The following UTRN variants were observed in gnomAD, a reference collection of about 807,000 sequenced individuals.
The protein encoded by UTRN is dystrophin-related protein 1.
In UTRN, 283 loss-of-function variants were observed where a neutral mutation model predicts 463.9. That is an observed-to-expected ratio of 0.61 (90% CI 0.55 to 0.67). The LOEUF is 0.67. Ranked by LOEUF, UTRN falls within the 30% of genes least tolerant of loss-of-function variation. The pLI is 0.00. For synonymous variants in UTRN, 1,442 were observed against 1,431.5 expected (o/e 1.01, Z -0.17); for missense variants, 3,922 against 4,084.3 (o/e 0.96, Z 1.08).
At chr6:144,609,100 G>A (rs182779567) in intron 51 of UTRN, among the ~76,000 whole-genome samples, 1 of 152,170 alleles carries the variant, frequency 6.6e-6, no homozygotes, top group Non-Finnish European at 1.5e-5. Context: ...TCAATGGATG[G>A]GGAAATAAAG....
At chr6:144,309,549 G>A (rs1213490508) in intron 2 of UTRN, among the ~76,000 whole-genome samples, 1 of 152,120 alleles carries the variant, frequency 6.6e-6, no homozygotes, top group Non-Finnish European at 1.5e-5. Flanking sequence ...GATCCTGCTG[G>A]TTCTATTTTC....
chr6:144,562,906 T>A (rs908201900), intron 50 of UTRN, among the ~76,000 whole-genome samples: 1 of 152,222 alleles, frequency 6.6e-6, no homozygotes, highest in African/African-American at 2.4e-5. Flanking sequence ...CTGACTAGCA[T>A]GAGATGGTAT....
intron 52 of UTRN, among the ~76,000 whole-genome samples, chr6:144,686,520 C>T (rs13213063): frequency 0.1 from 15,198 of 151,312 alleles, 996 homozygotes; most frequent in Admixed American, 0.22. Context: ...GTGCTGCAGT[C>T]TATCTCTTTT....
intron 43 of UTRN, among the ~76,000 whole-genome samples, chr6:144,534,934 C>T (rs1797396350): frequency 1.3e-5 from 2 of 152,094 alleles, no homozygotes; most frequent in Admixed American, 1.3e-4. Context: ...TAAATAGCAT[C>T]GTCGTGTGAG....
chr6:144,674,549 GTGT>G (rs1781399459), intron 51 of UTRN, among the ~76,000 whole-genome samples: 1 of 151,596 alleles, frequency 6.6e-6, no homozygotes, highest in Admixed American at 6.6e-5. Context: ...TCCGTAACCT[GTGT>G]TGTTTTTTTA....
chr6:144,551,136 GACACACAC>G (rs5880596), intron 48 of UTRN, 54 bp downstream of exon 48: 79 of 635,100 alleles, frequency 1.2e-4, no homozygotes, highest in Middle Eastern at 4.9e-4. Context: ...TGCAAATGGT[GACACACAC>G]ACACACACAC....
At chr6:144,660,170 C>CTGT (rs1336112853) in intron 51 of UTRN, 1 of 470,234 alleles carries the variant, frequency 2.1e-6, no homozygotes, top group Non-Finnish European at 4.4e-6. Flanking sequence ...AAGTTAAACG[C>CTGT]TGTTGTCTGA....
chr6:144,684,397 G>A (rs943367477), intron 52 of UTRN, among the ~76,000 whole-genome samples: 7 of 152,034 alleles, frequency 4.6e-5, no homozygotes, highest in Non-Finnish European at 1.0e-4. Context: ...TATTGTTGGT[G>A]CCAATATCCA....
intron 51 of UTRN, among the ~76,000 whole-genome samples, chr6:144,639,188 G>C (rs1777515236): frequency 6.6e-6 from 1 of 152,106 alleles, no homozygotes; most frequent in African/African-American, 2.4e-5. Context: ...CCTCTCCCCA[G>C]ATTTTACATA....
At chr6:144,570,876 C>T (rs958254446) in intron 50 of UTRN, among the ~76,000 whole-genome samples, 1 of 152,176 alleles carries the variant, frequency 6.6e-6, no homozygotes, top group Admixed American at 6.5e-5. Flanking sequence ...TAAGAAGAAT[C>T]ATCTGCCTTT....
chr6:144,691,632 C>A (rs1174645637), intron 52 of UTRN, among the ~76,000 whole-genome samples: 3 of 152,178 alleles, frequency 2.0e-5, no homozygotes, highest in Non-Finnish European at 2.9e-5. Flanking sequence ...GCTTGAATTT[C>A]CTTTCCCCTT....
intron 3 of UTRN, among the ~76,000 whole-genome samples, chr6:144,421,606 G>T (rs906632002): frequency 9.9e-5 from 15 of 151,678 alleles, no homozygotes; most frequent in African/African-American, 3.6e-4. Context: ...GGAGAATGGC[G>T]TGAACCCTGG....
intron 23 of UTRN, among the ~76,000 whole-genome samples, chr6:144,468,372 T>A (rs1457471622): frequency 6.6e-6 from 1 of 152,218 alleles, no homozygotes; most frequent in Admixed American, 6.5e-5. Flanking sequence ...GACCCTTCCA[T>A]ACTAGAATAT....
intron 38 of UTRN, 143 bp from the exon 39 acceptor site, chr6:144,516,668 A>T: frequency 1.5e-6 from 1 of 672,194 alleles, no homozygotes; most frequent in Non-Finnish European, 2.2e-6. Context: ...TTTAAAAAAA[A>T]CATAAATTTT....
intron 51 of UTRN, among the ~76,000 whole-genome samples, chr6:144,603,021 A>G (rs1804427764): frequency 6.6e-6 from 1 of 152,232 alleles, no homozygotes; most frequent in Admixed American, 6.5e-5. Flanking sequence ...ATACGCCTGT[A>G]TGCATGTAAA....
At chr6:144,703,268 G>C (rs182366268) in intron 53 of UTRN, among the ~76,000 whole-genome samples, 1 of 152,212 alleles carries the variant, frequency 6.6e-6, no homozygotes, top group Non-Finnish European at 1.5e-5. Flanking sequence ...TGGAGGAGCA[G>C]TCTGGGAAGG....
At chr6:144,332,018 C>T (rs1445356224) in intron 2 of UTRN, among the ~76,000 whole-genome samples, 1 of 152,216 alleles carries the variant, frequency 6.6e-6, no homozygotes, top group African/African-American at 2.4e-5. Flanking sequence ...CTGGGAACAA[C>T]CTCTGTTTAC....
intron 58 of UTRN, among the ~76,000 whole-genome samples, chr6:144,768,891 A>G (rs1426342938): frequency 6.7e-6 from 1 of 150,300 alleles, no homozygotes; most frequent in African/African-American, 2.5e-5. Context: ...ACATGTTCTC[A>G]CTATTGTTTG....
At position 144,851,392 on chromosome 6, in the gene UTRN, T is replaced by C. The variant is rs1222462093; in HGVS notation, c.*395T>C. 1.6e-5 allele frequency: 3 copies of C among 184,434 alleles called. No homozygotes were observed. The highest frequency in any genetic ancestry group is 4.7e-5 in the African/African-American group (2 of 42,562). 11.4% of individuals were successfully genotyped at this position (184,434 alleles called of 1,614,324 possible). On this transcript the variant is annotated 3_prime_UTR_variant, in exon 75 of 75. Transcript: ENST00000367545. Reference sequence around the variant, plus strand: ...ATAAGAATTAGAAGACCACTTTACATTTTTACATTCCTTCTGCTGTTCATA... The same window carrying C: ...ATAAGAATTAGAAGACCACTTTACACTTTTACATTCCTTCTGCTGTTCATA...
Sources: gnomAD v4.1 joint callset for allele counts (sites outside exome capture counted in the v4.1 genomes callset) on GRCh38, gnomAD v4.1.1 for gene constraint, MANE v1.5 for transcripts, NCBI Gene and HGNC (gene_info 2026-07-23, HGNC 2026-07-21) for gene names.